Variants in PTPN9 observed in about 807,000 individuals in gnomAD.
PTPN9 encodes the protein tyrosine-protein phosphatase non-receptor type 9.
In PTPN9, 26 loss-of-function variants were observed where a neutral mutation model predicts 69.8. That is an observed-to-expected ratio of 0.37 (90% confidence interval 0.27 to 0.52). PTPN9 has a LOEUF of 0.52. PTPN9 is among the 20% of genes least tolerant of loss of function. The pLI is 0.91. For synonymous variants in PTPN9, 274 were observed against 272.5 expected, an observed-to-expected ratio of 1.01 and a Z score of -0.05; for missense variants, 549 against 740.3, an observed-to-expected ratio of 0.74 and a Z score of 3.00.
At chr15:75,507,768 A>G (rs1254357366) in intron 6 of PTPN9, among the ~76,000 whole-genome samples, 1 of 150,318 alleles carries the variant, frequency 6.7e-6, no homozygotes, top group Non-Finnish European at 1.5e-5. Flanking sequence ...CTCCGTCTCA[A>G]AAAAGGTGGC....
intron 9 of PTPN9, among the ~76,000 whole-genome samples, chr15:75,474,178 A>G (rs1199402754): frequency 6.6e-6 from 1 of 152,188 alleles, no homozygotes; most frequent in Non-Finnish European, 1.5e-5. Context: ...TCTGTTTCCC[A>G]TAATCTCAGA....
rs1415015767 is a variant in PTPN9, at chr15:75,465,676, C to T, written c.*3093G>A. 1 of 152,190 alleles carries T rather than the reference C, an allele frequency of 6.6e-6. No homozygotes were observed. Among genetic ancestry groups the T allele is most frequent in the Non-Finnish European group, 1.5e-5 (1 of 68,046 alleles). 9.4% of individuals were successfully genotyped at this position (152,190 alleles called of 1,614,324 possible). A position where few individuals can be genotyped will look rare whatever the true frequency, so the allele number is the denominator to read the frequency against. On this transcript the variant is annotated 3_prime_UTR_variant, in exon 13 of 13. Coordinates refer to ENST00000618819, the MANE Select transcript of PTPN9 (RefSeq NM_002833.4). ...TCTATGGTTCCCAAACCTGGATAATCCTGTCACTCACTAACAACCTACTGG... is the reference window on the plus strand; with the variant it reads ...TCTATGGTTCCCAAACCTGGATAATTCTGTCACTCACTAACAACCTACTGG...
chr15:75,490,703 C>A (rs1244941835), intron 7 of PTPN9, among the ~76,000 whole-genome samples: 1 of 152,118 alleles, frequency 6.6e-6, no homozygotes, highest in African/African-American at 2.4e-5. Context: ...CGACTCACTG[C>A]AAGCTCTACC....
intron 1 of PTPN9, among the ~76,000 whole-genome samples, chr15:75,564,242 T>C (rs965735207): frequency 6.6e-6 from 1 of 151,924 alleles, no homozygotes; most frequent in Non-Finnish European, 1.5e-5. Context: ...TAAGCTACCA[T>C]GCCTGGCCAA....
chr15:75,496,722 G>A (rs1239900064), intron 7 of PTPN9, among the ~76,000 whole-genome samples: 1 of 151,898 alleles, frequency 6.6e-6, no homozygotes, highest in East Asian at 1.9e-4. Flanking sequence ...GCTCAGGCTG[G>A]TCTTGAAATC....
At chr15:75,565,898 A>C (rs1351193415) in intron 1 of PTPN9, among the ~76,000 whole-genome samples, 1 of 152,072 alleles carries the variant, frequency 6.6e-6, no homozygotes, top group Non-Finnish European at 1.5e-5. Flanking sequence ...TAGCCTCAGT[A>C]CTCTGCTATG....
intron 1 of PTPN9, among the ~76,000 whole-genome samples, chr15:75,549,150 C>A (rs1595967677): frequency 6.6e-6 from 1 of 151,942 alleles, no homozygotes; most frequent in African/African-American, 2.4e-5. Context: ...TTAAAGAAAT[C>A]CTTAAAAGTG....
chr15:75,520,286 C>T lies in PTPN9; in HGVS notation c.422+2835G>A, dbSNP rs75981993. Among the ~76,000 whole-genome samples, 1,262 of 151,840 alleles carry T rather than the reference C, an allele frequency of 8.3e-3. 31 individuals carry two copies. The East Asian group carries it at 0.1, about 12-fold the overall frequency. On this transcript the variant is annotated intron_variant, in intron 4 of 12. Coordinates refer to ENST00000618819, the MANE Select transcript of PTPN9 (RefSeq NM_002833.4). ...TTGTGGCAGGGGACTAAAACAAAAACAAGTCAGTGAGGGGGCAAAGAGAAT... is the reference window on the plus strand; with the variant it reads ...TTGTGGCAGGGGACTAAAACAAAAATAAGTCAGTGAGGGGGCAAAGAGAAT...
chr15:75,527,163 C>G lies in PTPN9; in HGVS notation c.162G>C (p.Arg54Ser). 3.7e-6 allele frequency: 6 copies of G among 1,614,176 alleles called. No homozygotes were observed. Among genetic ancestry groups the G allele is most frequent in the Non-Finnish European group, 5.1e-6 (6 of 1,180,034 alleles). The change falls in exon 2 of 13, where the codon AGG becomes AGC. Residue 54 changes from arginine (R) to serine (S), a missense_variant. Arg to Ser is a moderately radical substitution (Grantham distance 110). This residue lies in a region of PTPN9 where 457 missense variants were observed against 661.9 expected (regional missense o/e 0.69). Coordinates refer to ENST00000618819, the MANE Select transcript of PTPN9 (RefSeq NM_002833.4). ...WNVAVKFLMA[R>S]KFDVLRAIEL... ...CTATGGCACGGAGCACATCAAACTT[C>G]CTTGCCATGAGGAACTTGACAGCCA...
intron 1 of PTPN9, among the ~76,000 whole-genome samples, chr15:75,534,802 G>A (rs1020374844): frequency 3.3e-5 from 5 of 151,774 alleles, no homozygotes; most frequent in South Asian, 2.1e-4. Flanking sequence ...GTGAAACCTC[G>A]TCTCTACTAA....
chr15:75,485,773 T>A (rs2074672160), intron 8 of PTPN9, among the ~76,000 whole-genome samples: 1 of 151,902 alleles, frequency 6.6e-6, no homozygotes, highest in Non-Finnish European at 1.5e-5. Flanking sequence ...GAATTAAATT[T>A]TTAATTTCAG....
intron 1 of PTPN9, among the ~76,000 whole-genome samples, chr15:75,560,647 G>T (rs1431385070): frequency 6.6e-6 from 1 of 152,156 alleles, no homozygotes; most frequent in African/African-American, 2.4e-5. Context: ...CAAAAGAGGA[G>T]GATTGCTTGA....
At chr15:75,473,638 C>T in intron 10 of PTPN9, 51 bp downstream of exon 10, 1 of 1,408,330 alleles carries the variant, frequency 7.1e-7, no homozygotes, top group Non-Finnish European at 1.0e-6. Context: ...ATCACCCATG[C>T]CTAGGGACAG....
intron 1 of PTPN9, among the ~76,000 whole-genome samples, chr15:75,569,630 A>AGGAGG (rs2075140114): frequency 6.9e-6 from 1 of 144,638 alleles, no homozygotes; most frequent in African/African-American, 2.6e-5. Flanking sequence ...GCTTGAACCC[A>AGGAGG]GGAGGCGGAG....
At chr15:75,477,509 C>T (rs1463045822) in intron 9 of PTPN9, among the ~76,000 whole-genome samples, 1 of 152,102 alleles carries the variant, frequency 6.6e-6, no homozygotes, top group African/African-American at 2.4e-5. Flanking sequence ...GCAGGAGACT[C>T]GCTTGAGCCC....
chr15:75,502,072 G>A (rs2074775675), intron 7 of PTPN9, among the ~76,000 whole-genome samples: 4 of 152,016 alleles, frequency 2.6e-5, no homozygotes, highest in Middle Eastern at 6.8e-3. Context: ...TAGGAGGATC[G>A]CTTTAACCTA....
chr15:75,507,693 G>T (rs1264800708), intron 6 of PTPN9, among the ~76,000 whole-genome samples: 1 of 152,020 alleles, frequency 6.6e-6, no homozygotes, highest in African/African-American at 2.4e-5. Context: ...TTTGAACCTG[G>T]GAGGCGGAGC....
At chr15:75,524,768 A>C (rs2074919908) in intron 2 of PTPN9, among the ~76,000 whole-genome samples, 3 of 89,110 alleles carry the variant, frequency 3.4e-5, no homozygotes, top group African/African-American at 1.6e-4. Flanking sequence ...ACAAAATGAG[A>C]CTCTGTCTCA....
At chr15:75,542,636 G>A (rs1369229425) in intron 1 of PTPN9, among the ~76,000 whole-genome samples, 1 of 152,162 alleles carries the variant, frequency 6.6e-6, no homozygotes, top group Admixed American at 6.6e-5. Context: ...ACCAGCAGAA[G>A]TGAAGGGCTA....
Sources: allele counts gnomAD v4.1 joint callset (sites outside exome capture counted in the v4.1 genomes callset), GRCh38; gene constraint gnomAD v4.1.1; regional missense constraint gnomAD v4.1.1; transcripts MANE v1.5; gene names NCBI Gene and HGNC (gene_info 2026-07-23, HGNC 2026-07-21).